Variants in RB1 observed in about 807,000 individuals in gnomAD.
RB1 encodes the protein RB transcriptional corepressor 1, also known as retinoblastoma-associated protein.
Under a neutral mutation model 135.4 loss-of-function variants are expected in RB1, and 18 were observed. The ratio of observed to expected loss-of-function variants is 0.13; its 90% CI spans 0.09 to 0.20. The LOEUF (loss-of-function observed/expected upper bound fraction) is 0.20. Ranked by LOEUF, RB1 falls within the 10% of genes least tolerant of loss-of-function variation. RB1 has a pLI of 1.00. For missense variants in RB1, 868 were observed against 1,110.0 expected (o/e 0.78, Z 3.10); for synonymous variants, 365 against 373.2 (o/e 0.98, Z 0.25).
intron 17 of RB1, among the ~76,000 whole-genome samples, chr13:48,392,967 G>A: frequency 6.6e-6 from 1 of 152,010 alleles, no homozygotes; most frequent in East Asian, 1.9e-4. Flanking sequence ...TATTTATCTG[G>A]TTTTTGTTTT....
In RB1 at chr13:48,388,972, C is replaced by A. The variant is rs184345904; in HGVS notation, c.1695+7529C>A. ...GCCAGGAGTTCGAGACTAGCCTGAC[C>A]AACATGACAAAACCCTGTCTCTACT... On this transcript the variant is annotated intron_variant, in intron 17 of 26. Coordinates refer to ENST00000267163, the MANE Select transcript of RB1 (RefSeq NM_000321.3). Among the ~76,000 whole-genome samples the A allele has an allele frequency of 2.3e-3, 347 of 151,962 alleles. 1 individual carries two copies. Among genetic ancestry groups the A allele is most frequent in the African/African-American group, 8.0e-3 (330 of 41,452 alleles).
chr13:48,422,631 T>TA (rs1162780090), intron 17 of RB1: 1 of 152,002 alleles, frequency 6.6e-6, no homozygotes, highest in African/African-American at 2.4e-5. Flanking sequence ...CCTGTCTCCA[T>TA]AAAAAATTTA....
intron 20 of RB1, among the ~76,000 whole-genome samples, chr13:48,461,451 T>G (rs1305267152): frequency 6.6e-6 from 1 of 152,206 alleles, no homozygotes; most frequent in Non-Finnish European, 1.5e-5. Flanking sequence ...TTTTGGCTAT[T>G]ATGAATAATG....
intron 9 of RB1, among the ~76,000 whole-genome samples, chr13:48,365,176 T>C (rs1405377597): frequency 6.6e-6 from 1 of 152,198 alleles, no homozygotes; most frequent in African/African-American, 2.4e-5. Context: ...TTAGCATCAT[T>C]TTGTGATTTA....
In RB1 at chr13:48,481,332, A is replaced by G. The variant is rs909035277; in HGVS notation, c.*1261A>G. On this transcript the variant is annotated 3_prime_UTR_variant, in exon 27 of 27. Coordinates refer to ENST00000267163, the MANE Select transcript of RB1 (RefSeq NM_000321.3). ...CTTCAAATTAAAACAGCTGCATTAG[A>G]AAAAGAGGCGCTTCTCCCCTCCCCT... 4.3e-6 allele frequency: 1 copy of G among 231,950 alleles called. No homozygotes were observed. The highest frequency in any genetic ancestry group is 8.5e-6 in the Non-Finnish European group (1 of 117,326). The allele number at this position is 231,950 out of a possible 1,614,324, so 14.4% of individuals were successfully genotyped here.
intron 2 of RB1, chr13:48,333,280 ATTG>A: frequency 2.6e-6 from 1 of 380,712 alleles, no homozygotes; most frequent in Non-Finnish European, 4.7e-6. Flanking sequence ...AGGAGTTGAT[ATTG>A]TTAATCCATA....
At chr13:48,321,309 T>C (rs2138056619) in intron 2 of RB1, among the ~76,000 whole-genome samples, 1 of 150,510 alleles carries the variant, frequency 6.6e-6, no homozygotes, top group South Asian at 2.1e-4. Flanking sequence ...TGTCTGCTTA[T>C]TTCACTTAGC....
rs1251903847 is a variant in RB1, at chr13:48,466,738, G to C, written c.2489+1370G>C. On this transcript the variant is annotated intron_variant, in intron 23 of 26. Coordinates refer to ENST00000267163, the MANE Select transcript of RB1 (RefSeq NM_000321.3). ...AGGAGCTGATGGAGCTGAAAACCAA[G>C]GCTCGAGAACTACGTGAAGAATGCA... Among the ~76,000 whole-genome samples, 432 of 95,046 alleles carry C rather than the reference G, an allele frequency of 4.5e-3. 2 individuals are homozygous for C. Among genetic ancestry groups the C allele is most frequent in the African/African-American group, 0.015 (403 of 27,214 alleles). 62.4% of individuals were successfully genotyped at this position (95,046 alleles called of 152,430 possible).
intron 2 of RB1, among the ~76,000 whole-genome samples, chr13:48,308,729 T>C (rs1223359164): frequency 6.6e-6 from 1 of 152,060 alleles, no homozygotes; most frequent in African/African-American, 2.4e-5. Context: ...ATATGAAATA[T>C]AAAATCTTTT....
At chr13:48,459,992 T>C (rs1399701832) in intron 20 of RB1, among the ~76,000 whole-genome samples, 159 bp downstream of exon 20, 3 of 137,280 alleles carry the variant, frequency 2.2e-5, no homozygotes, top group African/African-American at 8.1e-5. Flanking sequence ...TTTTTTGAGA[T>C]AGAGTCTCAC....
intron 25 of RB1, among the ~76,000 whole-genome samples, 166 bp from the exon 26 acceptor site, chr13:48,477,189 T>C (rs758417755): frequency 2.6e-4 from 40 of 152,316 alleles, no homozygotes; most frequent in African/African-American, 5.5e-4. Context: ...CATCATAAAT[T>C]TGTGACATTT....
intron 18 of RB1, 89 bp downstream of exon 18, chr13:48,453,200 G>A: frequency 1.6e-6 from 2 of 1,283,168 alleles, no homozygotes; most frequent in Non-Finnish European, 2.2e-6. Flanking sequence ...AGAAACTGTA[G>A]GGAATAGAAT....
At chr13:48,322,934 G>C (rs193080482) in intron 2 of RB1, among the ~76,000 whole-genome samples, 2 of 151,650 alleles carry the variant, frequency 1.3e-5, no homozygotes, top group African/African-American at 4.8e-5. Flanking sequence ...TTTTTTTGAG[G>C]ATTTCTATAC....
intron 14 of RB1, 38 bp downstream of exon 14, chr13:48,379,688 G>A (rs759690656): frequency 3.3e-5 from 53 of 1,586,822 alleles, no homozygotes; most frequent in Admixed American, 5.2e-5. Context: ...TCAGCCGGGC[G>A]CGGTGGCTCA....
chr13:48,394,242 A>G (rs930520645), intron 17 of RB1, among the ~76,000 whole-genome samples: 1 of 152,218 alleles, frequency 6.6e-6, no homozygotes, highest in African/African-American at 2.4e-5. Flanking sequence ...CTTTTCCCAC[A>G]GTCTTCGCAA....
At chr13:48,307,902 C>T (rs908161931) in intron 2 of RB1, among the ~76,000 whole-genome samples, 3 of 150,714 alleles carry the variant, frequency 2.0e-5, no homozygotes, top group African/African-American at 7.3e-5. Context: ...CCATAAATGC[C>T]TCCCACCAAA....
rs58443632 is a variant in RB1 at position 48,305,807 on chromosome 13, A to T, written c.138-1473A>T. ...CTGATACTGAGCATCTTGCCTGGAG[A>T]TGGAATCAAGGCTCAGTCCAACTGC... On this transcript the variant is annotated intron_variant, in intron 1 of 26. Transcript: ENST00000267163. 6.3e-3 allele frequency among the ~76,000 whole-genome samples: 967 copies of T among 152,308 alleles called. 10 individuals are homozygous for T. The highest frequency in any genetic ancestry group is 0.022 in the African/African-American group (902 of 41,546).
chr13:48,372,776 C>T (rs1238081079), intron 11 of RB1, among the ~76,000 whole-genome samples: 1 of 152,140 alleles, frequency 6.6e-6, no homozygotes. Context: ...CCTAAACATT[C>T]TACAGTTCTT....
intron 23 of RB1, among the ~76,000 whole-genome samples, chr13:48,465,829 C>T (rs1019511506): frequency 6.6e-6 from 1 of 151,288 alleles, no homozygotes; most frequent in Non-Finnish European, 1.5e-5. Flanking sequence ...CACTCCCACC[C>T]GAATATTGCA....
Sources: gnomAD v4.1 joint callset for allele counts (sites outside exome capture counted in the v4.1 genomes callset) on GRCh38, gnomAD v4.1.1 for gene constraint, MANE v1.5 for transcripts, NCBI Gene and HGNC (gene_info 2026-07-23, HGNC 2026-07-21) for gene names.